The following PCDHA2 variants were observed in gnomAD, a reference collection of about 807,000 sequenced individuals.
The protein encoded by PCDHA2 is protocadherin alpha-2.
In PCDHA2, 58 loss-of-function variants were observed where a neutral mutation model predicts 66.0. The observed-to-expected ratio is 0.88, with a 90% confidence interval of 0.71 to 1.09. The LOEUF is 1.09. PCDHA2 is among the 50% of genes least tolerant of loss of function. The pLI, the probability that PCDHA2 is intolerant of heterozygous loss-of-function variation, is 0.00. For synonymous variants in PCDHA2, 634 were observed against 554.0 expected, an observed-to-expected ratio of 1.14 and a Z score of -2.03; for missense variants, 1,267 against 1,242.3, an observed-to-expected ratio of 1.02 and a Z score of -0.30.
chr5:140,926,958 C>G (rs782614627), intron 1 of PCDHA2: 3 of 1,603,116 alleles, frequency 1.9e-6, no homozygotes, highest in Admixed American at 1.7e-5. Context: ...CGGGACAGCT[C>G]GAGTACTCAG....
chr5:140,815,529 G>A (rs1554126806), intron 1 of PCDHA2: 1 of 89,522 alleles, frequency 1.1e-5, no homozygotes. Context: ...TTTATATTGT[G>A]TATACATTAT....
In PCDHA2 at chr5:140,839,940, AAGG is replaced by A. The variant is rs1354823324; in HGVS notation, c.2388+42591_2388+42593del. ...AACCTTGAACAAAGAGTGTGCCAAG[AAGG>A]AGACAACATATTTTCTGTAAAATAT... is the stretch of plus-strand genomic sequence containing the variant. On this transcript the variant is annotated intron_variant, in intron 1 of 3. Coordinates refer to ENST00000526136, the MANE Select transcript of PCDHA2 (RefSeq NM_018905.3). Among the ~76,000 whole-genome samples the A allele has an allele frequency of 2.0e-5, 3 of 152,174 alleles. No homozygotes were observed. In the East Asian group the frequency reaches 5.8e-4, roughly 29 times the overall value.
At chr5:140,872,840 A>G (rs1297929350) in intron 1 of PCDHA2, among the ~76,000 whole-genome samples, 4 of 152,198 alleles carry the variant, frequency 2.6e-5, no homozygotes, top group African/African-American at 9.6e-5. Context: ...AAAAAATTAA[A>G]TATATTAATG....
intron 1 of PCDHA2, among the ~76,000 whole-genome samples, chr5:140,885,719 T>C (rs1304075284): frequency 6.6e-6 from 1 of 152,210 alleles, no homozygotes; most frequent in Non-Finnish European, 1.5e-5. Flanking sequence ...TAATGTGATC[T>C]CTGTGAAATG....
At chr5:140,831,334 C>G (rs188335072) in intron 1 of PCDHA2, 4 of 150,940 alleles carry the variant, frequency 2.7e-5, no homozygotes, top group African/African-American at 9.8e-5. Context: ...TGTTTCTACA[C>G]AGTAATTTAA....
At chr5:140,842,485 C>G (rs2150337249) in intron 1 of PCDHA2, 1 of 1,613,908 alleles carries the variant, frequency 6.2e-7, no homozygotes, top group Non-Finnish European at 8.5e-7. Flanking sequence ...TGACCTGCTC[C>G]CTGATGCCCC....
At chr5:140,830,577 TTTAA>T (rs1269425554) in intron 1 of PCDHA2, 10 of 821,780 alleles carry the variant, frequency 1.2e-5, no homozygotes, top group Non-Finnish European at 1.7e-5. Flanking sequence ...GTTTTTAATT[TTTAA>T]TTAATTTTAC....
At chr5:141,009,001 A>G (rs1373262105) in intron 3 of PCDHA2, among the ~76,000 whole-genome samples, 1 of 152,246 alleles carries the variant, frequency 6.6e-6, no homozygotes, top group East Asian at 1.9e-4. Flanking sequence ...TAAAAGGAGC[A>G]TATTTTGCCT....
At chr5:140,982,318 G>A (rs2096977750) in intron 2 of PCDHA2, 157 bp from the exon 3 acceptor site, 3 of 1,356,910 alleles carry the variant, frequency 2.2e-6, no homozygotes, top group Non-Finnish European at 2.9e-6. Context: ...AGTTTATGCA[G>A]GGTGACTGCT....
intron 1 of PCDHA2, among the ~76,000 whole-genome samples, chr5:140,906,179 C>G (rs2072430767): frequency 1.3e-5 from 2 of 152,172 alleles, no homozygotes; most frequent in African/African-American, 4.8e-5. Flanking sequence ...TACTTTGCAT[C>G]CTTCAATCCA....
intron 1 of PCDHA2, chr5:140,809,656 T>A (rs1764520774): frequency 2.0e-6 from 3 of 1,487,570 alleles, no homozygotes; most frequent in Non-Finnish European, 2.7e-6. Flanking sequence ...AAGAGTCAAA[T>A]TTCCCTGGGT....
intron 1 of PCDHA2, among the ~76,000 whole-genome samples, chr5:140,939,358 A>C (rs1291026920): frequency 1.3e-5 from 2 of 152,172 alleles, no homozygotes; most frequent in Admixed American, 1.3e-4. Flanking sequence ...TTATGATTGC[A>C]AAGGAGGAGG....
chr5:140,941,201 TCC>T lies in PCDHA2; in HGVS notation c.2389-37747_2389-37746del, dbSNP rs1554213890. On this transcript the variant is annotated intron_variant, in intron 1 of 3. Coordinates refer to ENST00000526136, the MANE Select transcript of PCDHA2 (RefSeq NM_018905.3). The stretch of plus-strand genomic sequence containing the variant: ...ATCCTGCTTCTTTTTTTTTCTTTCT[TCC>T]TTTCTTTCTTCCTTTCTTTCTTTCT... 4.9e-3 allele frequency among the ~76,000 whole-genome samples: 512 copies of T among 103,578 alleles called. 4 individuals are homozygous for T. The highest frequency in any genetic ancestry group is 7.0e-3 in the African/African-American group (178 of 25,432). 68.0% of individuals were successfully genotyped at this position (103,578 alleles called of 152,430 possible). A position where few individuals can be genotyped will look rare whatever the true frequency, so the allele number is the denominator to read the frequency against.
At chr5:140,984,980 C>T (rs1206801991) in intron 3 of PCDHA2, among the ~76,000 whole-genome samples, 1 of 152,092 alleles carries the variant, frequency 6.6e-6, no homozygotes, top group African/African-American at 2.4e-5. Context: ...CTCTGTCCCC[C>T]AGGCTGGAGT....
intron 1 of PCDHA2, chr5:140,870,676 G>T: frequency 6.2e-7 from 1 of 1,612,702 alleles, no homozygotes. Flanking sequence ...GTTGGACCAC[G>T]AGGAGCTGGA....
chr5:140,928,158 AC>A, intron 1 of PCDHA2: 7 of 1,614,066 alleles, frequency 4.3e-6, no homozygotes, highest in Non-Finnish European at 5.9e-6. Flanking sequence ...ATAGTGGCTC[AC>A]CCCCACTTAG....
At chr5:140,818,794 C>G (rs1184568922) in intron 1 of PCDHA2, among the ~76,000 whole-genome samples, 2 of 152,214 alleles carry the variant, frequency 1.3e-5, no homozygotes, top group Non-Finnish European at 2.9e-5. Context: ...TGTACCACTG[C>G]ACTCCAGCCT....
chr5:140,966,800 G>T, intron 1 of PCDHA2: 1 of 1,540,654 alleles, frequency 6.5e-7, no homozygotes, highest in East Asian at 2.4e-5. Flanking sequence ...TGCGGCGACA[G>T]AGCATCCACG....
intron 1 of PCDHA2, chr5:140,870,942 G>T (rs782286042): frequency 1.2e-6 from 2 of 1,613,740 alleles, no homozygotes; most frequent in Non-Finnish European, 1.7e-6. Flanking sequence ...TGCAGCCGGC[G>T]GCGGGCGGCT....
Sources: gnomAD v4.1 joint callset for allele counts (sites outside exome capture counted in the v4.1 genomes callset) on GRCh38, gnomAD v4.1.1 for gene constraint, MANE v1.5 for transcripts, NCBI Gene and HGNC (gene_info 2026-07-23, HGNC 2026-07-21) for gene names.